The following MGRN1 variants were observed in gnomAD, a reference collection of about 807,000 sequenced individuals.
MGRN1 encodes the protein mahogunin ring finger 1, also known as E3 ubiquitin-protein ligase MGRN1.
Under a neutral mutation model 69.2 loss-of-function variants are expected in MGRN1, and 29 were observed. The ratio of observed to expected loss-of-function variants is 0.42; its 90% CI spans 0.31 to 0.57. The LOEUF is 0.57. Ranked by LOEUF, MGRN1 falls within the 20% of genes least tolerant of loss-of-function variation. MGRN1 has a pLI of 0.15. For missense variants in MGRN1, 998 were observed against 796.2 expected (o/e 1.25, Z -3.05); for synonymous variants, 470 against 344.2 (o/e 1.37, Z -4.04).
intron 16 of MGRN1, among the ~76,000 whole-genome samples, chr16:4,684,455 G>T (rs1055408079): frequency 6.6e-6 from 1 of 152,220 alleles, no homozygotes; most frequent in African/African-American, 2.4e-5. Flanking sequence ...GCCACAGAGC[G>T]CAGGGGCAGT....
intron 8 of MGRN1, 138 bp downstream of exon 8, chr16:4,668,450 T>C (rs2078855962): frequency 1.2e-5 from 10 of 856,320 alleles, no homozygotes; most frequent in East Asian, 2.7e-5. Context: ...CTCATACACA[T>C]TCACTTGCAC....
chr16:4,659,440 C>T (rs976364642), intron 5 of MGRN1, among the ~76,000 whole-genome samples: 1 of 152,168 alleles, frequency 6.6e-6, no homozygotes, highest in African/African-American at 2.4e-5. Flanking sequence ...CATGGGTTTG[C>T]AGGTGAGGTG....
chr16:4,643,208 T>A (rs1418379942), intron 1 of MGRN1, among the ~76,000 whole-genome samples: 1 of 151,764 alleles, frequency 6.6e-6, no homozygotes, highest in Non-Finnish European at 1.5e-5. Flanking sequence ...GATCCACTCC[T>A]CTCGGCCTCC....
chr16:4,664,800 C>T, intron 6 of MGRN1, 25 bp downstream of exon 6: 1 of 1,613,610 alleles, frequency 6.2e-7, no homozygotes, highest in East Asian at 2.2e-5. Flanking sequence ...TTCCGTCCTC[C>T]TGGGCGTGCA....
intron 1 of MGRN1, among the ~76,000 whole-genome samples, chr16:4,644,386 C>A (rs192932814): frequency 6.6e-6 from 1 of 150,436 alleles, no homozygotes; most frequent in South Asian, 2.1e-4. Flanking sequence ...TCTCAGCTCA[C>A]GGCAACCTCT....
chr16:4,631,733 A>G (rs1019346578), intron 1 of MGRN1, among the ~76,000 whole-genome samples: 1 of 152,194 alleles, frequency 6.6e-6, no homozygotes, highest in Non-Finnish European at 1.5e-5. Flanking sequence ...TTCCATATAC[A>G]TTTTATAATT....
At chr16:4,668,530 G>T (rs1567216388) in intron 8 of MGRN1, among the ~76,000 whole-genome samples, 3 of 150,352 alleles carry the variant, frequency 2.0e-5, no homozygotes, top group Non-Finnish European at 3.0e-5. Flanking sequence ...TAAACACACA[G>T]ACACACACAT....
chr16:4,650,419 A>T lies in MGRN1; in HGVS notation c.143A>T (p.His48Leu). 1 of 1,613,810 alleles carries T rather than the reference A, an allele frequency of 6.2e-7. No individual in the cohort carries two copies. The highest frequency in any genetic ancestry group is 8.5e-7 in the Non-Finnish European group (1 of 1,179,892). ...FMGGEKFDTP[H>L]PEGYLFGENM... Reference sequence around the variant, plus strand: ...GGAGGAGAGAAATTCGACACCCCCCACCCTGAAGGTTACCTCTTTGGAGAG... The same window carrying T: ...GGAGGAGAGAAATTCGACACCCCCCTCCCTGAAGGTTACCTCTTTGGAGAG... The change falls in exon 2 of 17, where the codon CAC becomes CTC. Residue 48 changes from histidine (H) to leucine (L), a missense_variant. Coordinates refer to ENST00000262370, the MANE Select transcript of MGRN1 (RefSeq NM_015246.4).
rs2078083194 is a variant in MGRN1, at chr16:4,638,528, A to G, written c.89-11837A>G. On this transcript the variant is annotated intron_variant, in intron 1 of 16. Transcript: ENST00000262370. ...TTCCCCAGCTGGGTGGGGGACTGGT[A>G]GTAGGCAGGGAAGCATGGTAGGCCC... 7.2e-5 allele frequency among the ~76,000 whole-genome samples: 11 copies of G among 151,908 alleles called. No homozygotes were observed. In the South Asian group the frequency reaches 2.3e-3, roughly 31 times the overall value.
chr16:4,672,705 G>A (rs1425742386), intron 9 of MGRN1, among the ~76,000 whole-genome samples: 1 of 152,238 alleles, frequency 6.6e-6, no homozygotes, highest in Non-Finnish European at 1.5e-5. Context: ...TTTATTTATA[G>A]AAACAGGCCA....
chr16:4,674,578 CTTTTT>C (rs113342903), intron 10 of MGRN1, among the ~76,000 whole-genome samples: 2 of 119,020 alleles, frequency 1.7e-5, no homozygotes, highest in Non-Finnish European at 3.5e-5. Flanking sequence ...TGAGCCACCG[CTTTTT>C]TTTTTTTCTT....
At chr16:4,633,612 A>C (rs1031488386) in intron 1 of MGRN1, 8 of 150,900 alleles carry the variant, frequency 5.3e-5, no homozygotes, top group African/African-American at 1.9e-4. Flanking sequence ...AATCACTTGA[A>C]CCCAGGAGGC....
Position 4,677,621 on chromosome 16 carries a change from G to T in MGRN1, c.1065+49G>T, listed in dbSNP as rs371056840. Reference sequence around the variant, plus strand: ...GGATGGGCGGGAGAGGGGCATGAGTGCCTGGGCCAGGCGCAAGGCCCAGAC... The same window carrying T: ...GGATGGGCGGGAGAGGGGCATGAGTTCCTGGGCCAGGCGCAAGGCCCAGAC... On this transcript the variant is annotated intron_variant, in intron 11 of 16. Coordinates refer to ENST00000262370, the MANE Select transcript of MGRN1 (RefSeq NM_015246.4). The T allele has an allele frequency of 1.5e-4, 239 of 1,562,358 alleles. 1 individual carries two copies. In the African/African-American group the frequency reaches 2.7e-3, roughly 18 times the overall value.
At chr16:4,648,520 C>T (rs1228866885) in intron 1 of MGRN1, among the ~76,000 whole-genome samples, 2 of 102,434 alleles carry the variant, frequency 2.0e-5, no homozygotes, top group Admixed American at 9.5e-5. Context: ...GGGCTCCTCC[C>T]GGGGCTCTTC....
At chr16:4,686,886 G>T (rs1405596404) in intron 16 of MGRN1, 11 of 985,496 alleles carry the variant, frequency 1.1e-5, no homozygotes, top group Non-Finnish European at 1.2e-5. Flanking sequence ...AGAGCCCCTG[G>T]ATCACGTCTT....
At chr16:4,641,192 T>C (rs1044183689) in intron 1 of MGRN1, among the ~76,000 whole-genome samples, 1 of 151,890 alleles carries the variant, frequency 6.6e-6, no homozygotes, top group African/African-American at 2.4e-5. Context: ...ACACACCACA[T>C]GTGTGTCATT....
intron 10 of MGRN1, among the ~76,000 whole-genome samples, chr16:4,674,845 T>G (rs1368666965): frequency 6.6e-6 from 1 of 150,708 alleles, no homozygotes; most frequent in African/African-American, 2.4e-5. Context: ...TTTCACCTTG[T>G]TAGCCAGGAT....
chr16:4,666,019 A>G (rs1313085094), intron 7 of MGRN1, among the ~76,000 whole-genome samples: 1 of 151,676 alleles, frequency 6.6e-6, no homozygotes, highest in Non-Finnish European at 1.5e-5. Context: ...TTCAGTAGAG[A>G]CAGGGTTTCA....
chr16:4,656,445 A>C (rs756058278), intron 4 of MGRN1, among the ~76,000 whole-genome samples: 1 of 152,236 alleles, frequency 6.6e-6, no homozygotes, highest in Non-Finnish European at 1.5e-5. Flanking sequence ...CCCGCGCTGC[A>C]TGTGGGCACC....
Sources: gnomAD v4.1 joint callset for allele counts (sites outside exome capture counted in the v4.1 genomes callset) on GRCh38, gnomAD v4.1.1 for gene constraint, MANE v1.5 for transcripts, NCBI Gene and HGNC (gene_info 2026-07-23, HGNC 2026-07-21) for gene names.